PPP1R21: variants seen among roughly 807,000 people sequenced by gnomAD.
PPP1R21 encodes protein phosphatase 1 regulatory subunit 21, also known as KLRAQ motif containing 1.
A neutral mutation model predicts 112.8 loss-of-function variants in PPP1R21; 85 were observed. The ratio of observed to expected loss-of-function variants is 0.75; its 90% CI spans 0.63 to 0.90. PPP1R21 has a LOEUF of 0.90. Ranked by LOEUF, PPP1R21 falls within the 40% of genes least tolerant of loss-of-function variation. The pLI is 0.00. For synonymous variants in PPP1R21, 381 were observed against 322.3 expected (o/e 1.18, Z -1.95); for missense variants, 1,199 against 901.5 (o/e 1.33, Z -4.23).
intron 14 of PPP1R21, among the ~76,000 whole-genome samples, chr2:48,487,718 G>C (rs1669372560): frequency 6.8e-6 from 1 of 148,012 alleles, no homozygotes; most frequent in East Asian, 2.0e-4. Context: ...CCGTGTGTGA[G>C]CCACTGCACC....
At chr2:48,469,567 C>CATATATATATATAT (rs58651401) in intron 9 of PPP1R21, among the ~76,000 whole-genome samples, 1 of 87,126 alleles carries the variant, frequency 1.1e-5, no homozygotes, top group African/African-American at 4.3e-5. Context: ...AGAGAGAGAG[C>CATATATATATATAT]ATATATATAT....
chr2:48,469,677 C>T (rs1310144341), intron 9 of PPP1R21, among the ~76,000 whole-genome samples: 5 of 150,626 alleles, frequency 3.3e-5, no homozygotes, highest in African/African-American at 7.3e-5. Context: ...GTTATACCCA[C>T]ATAGTGAGAA....
intron 4 of PPP1R21, among the ~76,000 whole-genome samples, chr2:48,459,388 G>A (rs1399123895): frequency 6.6e-6 from 1 of 152,136 alleles, no homozygotes; most frequent in Non-Finnish European, 1.5e-5. Flanking sequence ...GTTATACTCT[G>A]ATCAATTGAA....
chr2:48,481,886 GT>G (rs1236138662), intron 13 of PPP1R21, among the ~76,000 whole-genome samples: 3 of 152,126 alleles, frequency 2.0e-5, no homozygotes, highest in African/African-American at 7.2e-5. Flanking sequence ...ACATGATAAA[GT>G]TGCAGTCAAA....
chr2:48,515,127 GA>G lies in PPP1R21; in HGVS notation c.*390del, dbSNP rs1433780663. 2 of 168,802 alleles carry G rather than the reference GA, an allele frequency of 1.2e-5. No individual in the cohort carries two copies. Among genetic ancestry groups the G allele is most frequent in the African/African-American group, 2.4e-5 (1 of 41,878 alleles). 10.5% of individuals were successfully genotyped at this position (168,802 alleles called of 1,614,324 possible). ...TCTATGGAATAGATATATGTTTCTG[GA>G]AAAAAATGCTTAAATTGTCAAACTG... On this transcript the variant is annotated 3_prime_UTR_variant, in exon 22 of 22. Transcript: ENST00000294952.
At position 48,495,650 on chromosome 2, in the gene PPP1R21, C is replaced by G. The variant is rs780838715; in HGVS notation, c.1600-29C>G. The G allele has an allele frequency of 2.3e-6, 3 of 1,329,396 alleles. No homozygotes were observed. The Admixed American group carries it at 5.2e-5, about 23-fold the overall frequency. 82.4% of individuals were successfully genotyped at this position (1,329,396 alleles called of 1,614,324 possible). A position where few individuals can be genotyped will look rare whatever the true frequency, so the allele number is the denominator to read the frequency against. ...GGGGAGGGGTGATACAATATTTTTT[C>G]TTTAATTCTTATGATGCTTTTATCA... On this transcript the variant is annotated intron_variant, in intron 15 of 21. Coordinates refer to ENST00000294952, the MANE Select transcript of PPP1R21 (RefSeq NM_001135629.3).
At chr2:48,495,584 T>G (rs2103623928) in intron 15 of PPP1R21, 95 bp from the exon 16 acceptor site, 3 of 695,422 alleles carry the variant, frequency 4.3e-6, no homozygotes, top group Non-Finnish European at 5.2e-6. Context: ...CTGAATTTAT[T>G]GTCACACCTC....
At position 48,465,771 on chromosome 2, in the gene PPP1R21, T is replaced by C. The variant is rs968377593; in HGVS notation, c.897+129T>C. 5 of 691,080 alleles carry C rather than the reference T, an allele frequency of 7.2e-6. No homozygotes were observed. The African/African-American group carries it at 9.2e-5, about 13-fold the overall frequency. 42.8% of individuals were successfully genotyped at this position (691,080 alleles called of 1,614,324 possible). A position where few individuals can be genotyped will look rare whatever the true frequency, so the allele number is the denominator to read the frequency against. On this transcript the variant is annotated intron_variant, in intron 9 of 21. Coordinates refer to ENST00000294952, the MANE Select transcript of PPP1R21 (RefSeq NM_001135629.3). ...TGGAAAAAACCCAAAAAGCATAGTT[T>C]TTACTCTCAAAATAAAATATGGCAA...
chr2:48,498,285 T>C (rs1357907892), intron 16 of PPP1R21, among the ~76,000 whole-genome samples: 2 of 151,970 alleles, frequency 1.3e-5, no homozygotes, highest in Admixed American at 1.3e-4. Context: ...AGTTTTTTTT[T>C]TTATCTCACT....
intron 15 of PPP1R21, among the ~76,000 whole-genome samples, chr2:48,493,428 T>C (rs989224670): frequency 6.6e-5 from 10 of 152,242 alleles, no homozygotes; most frequent in Non-Finnish European, 1.3e-4. Flanking sequence ...TTTTTCAAAA[T>C]AGAAGTTTTT....
chr2:48,504,264 G>A (rs867776447), intron 17 of PPP1R21, among the ~76,000 whole-genome samples: 1 of 152,238 alleles, frequency 6.6e-6, no homozygotes, highest in African/African-American at 2.4e-5. Flanking sequence ...AGCCAGGTGG[G>A]CATAACATTC....
chr2:48,458,335 G>A (rs370411916), intron 4 of PPP1R21, 108 bp downstream of exon 4: 4 of 616,512 alleles, frequency 6.5e-6, no homozygotes, highest in East Asian at 5.8e-5. Flanking sequence ...GTATTTTAAT[G>A]TCTTCTATGG....
intron 9 of PPP1R21, among the ~76,000 whole-genome samples, chr2:48,469,352 TATATATATAGAGCATATATATATATAGC>T (rs1668366268): frequency 1.1e-5 from 1 of 88,788 alleles, no homozygotes; most frequent in Non-Finnish European, 2.2e-5. Context: ...ATATATAGCA[TATATATATAGAGCATATATATATATAGC>T]ATATATATAT....
At chr2:48,480,739 A>G (rs569665957) in intron 13 of PPP1R21, among the ~76,000 whole-genome samples, 4 of 152,284 alleles carry the variant, frequency 2.6e-5, no homozygotes, top group East Asian at 1.9e-4. Context: ...ATTAAGGACT[A>G]TTGGAAATAG....
intron 17 of PPP1R21, among the ~76,000 whole-genome samples, chr2:48,505,303 G>C (rs780391196): frequency 1.8e-4 from 27 of 152,166 alleles, no homozygotes; most frequent in Non-Finnish European, 3.5e-4. Context: ...ATGATTTGTT[G>C]GGTTTCAGTG....
intron 9 of PPP1R21, among the ~76,000 whole-genome samples, chr2:48,469,297 A>G (rs112041662): frequency 0.34 from 3,000 of 8,850 alleles, 294 homozygotes; most frequent in Non-Finnish European, 0.36. Flanking sequence ...GTGTGTGTGT[A>G]TGTATATATA....
chr2:48,442,114 T>A (rs528989078), intron 1 of PPP1R21, among the ~76,000 whole-genome samples: 1 of 152,334 alleles, frequency 6.6e-6, no homozygotes, highest in South Asian at 2.1e-4. Context: ...CTTAAGAGCC[T>A]GTGGCACAAT....
intron 1 of PPP1R21, among the ~76,000 whole-genome samples, chr2:48,449,356 A>G (rs1342729256): frequency 1.3e-5 from 2 of 152,190 alleles, no homozygotes; most frequent in Non-Finnish European, 2.9e-5. Context: ...TCTATAGACC[A>G]TATAGCTGGT....
At chr2:48,500,801 C>G (rs1017918584) in intron 17 of PPP1R21, among the ~76,000 whole-genome samples, 1 of 151,874 alleles carries the variant, frequency 6.6e-6, no homozygotes, top group Non-Finnish European at 1.5e-5. Context: ...CTCAGCTACT[C>G]GGGAGGCTGA....
Sources: allele counts gnomAD v4.1 joint callset (sites outside exome capture counted in the v4.1 genomes callset), GRCh38; gene constraint gnomAD v4.1.1; transcripts MANE v1.5; gene names NCBI Gene and HGNC (gene_info 2026-07-23, HGNC 2026-07-21).